PCDHA1: variants seen among roughly 807,000 people sequenced by gnomAD.
The protein encoded by PCDHA1 is protocadherin alpha 1.
In PCDHA1, 42 loss-of-function variants were observed where a neutral mutation model predicts 61.3. The observed-to-expected ratio is 0.69, with a 90% CI of 0.54 to 0.89. The LOEUF is 0.89. PCDHA1 is among the 40% of genes least tolerant of loss of function. The pLI, the probability that PCDHA1 is intolerant of heterozygous loss-of-function variation, is 0.00. For synonymous variants in PCDHA1, 610 were observed against 553.8 expected, an observed-to-expected ratio of 1.10 and a Z score of -1.43; for missense variants, 1,256 against 1,235.3, an observed-to-expected ratio of 1.02 and a Z score of -0.25.
At chr5:140,900,941 C>T (rs1241522274) in intron 1 of PCDHA1, among the ~76,000 whole-genome samples, 1 of 152,140 alleles carries the variant, frequency 6.6e-6, no homozygotes, top group African/African-American at 2.4e-5. Flanking sequence ...TTTTGATTTG[C>T]ATTTCTCTGA....
chr5:140,870,918 G>A, intron 1 of PCDHA1: 1 of 1,613,956 alleles, frequency 6.2e-7, no homozygotes, highest in Non-Finnish European at 8.5e-7. Context: ...ACAACGCGTG[G>A]CTTTCATATG....
chr5:140,912,064 A>G (rs1388725837), intron 1 of PCDHA1, among the ~76,000 whole-genome samples: 10 of 152,216 alleles, frequency 6.6e-5, no homozygotes, highest in Non-Finnish European at 1.0e-4. Flanking sequence ...TTGGAGTCCA[A>G]TGTTCAAGGG....
intron 2 of PCDHA1, 129 bp from the exon 3 acceptor site, chr5:140,982,346 G>A: frequency 1.3e-6 from 2 of 1,492,346 alleles, no homozygotes; most frequent in South Asian, 2.7e-5. Context: ...AATTGCTTCA[G>A]TTCAAGCATG....
chr5:140,886,087 A>G (rs944362157), intron 1 of PCDHA1, among the ~76,000 whole-genome samples: 2 of 152,324 alleles, frequency 1.3e-5, no homozygotes, highest in Admixed American at 6.5e-5. Flanking sequence ...CAACCTGGAT[A>G]TTGACATTGA....
At position 140,877,459 on chromosome 5, in the gene PCDHA1, G is replaced by A. The variant is rs782125799; in HGVS notation, c.2394+88775G>A. ...CGGTGAGCCCGCGCTGACGTCCACGGCCACGGTGCTGGTGTCGCTGGTGGA... is the reference window on the plus strand; with the variant it reads ...CGGTGAGCCCGCGCTGACGTCCACGACCACGGTGCTGGTGTCGCTGGTGGA... On this transcript the variant is annotated intron_variant, in intron 1 of 3. Coordinates refer to ENST00000504120, the MANE Select transcript of PCDHA1 (RefSeq NM_018900.4). 98 of 1,613,712 alleles carry A rather than the reference G, an allele frequency of 6.1e-5. No individual in the cohort carries two copies. The East Asian group carries it at 2.1e-3, about 35-fold the overall frequency.
intron 1 of PCDHA1, chr5:140,884,652 G>A (rs2060303446): frequency 6.2e-7 from 1 of 1,603,582 alleles, no homozygotes; most frequent in Non-Finnish European, 8.5e-7. Flanking sequence ...GACTCAGAAT[G>A]CTTGAAAGAG....
chr5:140,902,024 C>T (rs1554190174), intron 1 of PCDHA1, among the ~76,000 whole-genome samples: 5 of 152,016 alleles, frequency 3.3e-5, no homozygotes, highest in Non-Finnish European at 1.5e-5. Flanking sequence ...TATAGAAATA[C>T]TACTAATTTT....
intron 1 of PCDHA1, among the ~76,000 whole-genome samples, chr5:140,978,436 G>A (rs190191755): frequency 6.6e-6 from 1 of 152,348 alleles, no homozygotes; most frequent in East Asian, 1.9e-4. Flanking sequence ...AGTTGCTGGT[G>A]TTATGACTGG....
intron 1 of PCDHA1, among the ~76,000 whole-genome samples, chr5:140,952,925 G>T (rs144855694): frequency 8.2e-4 from 125 of 152,200 alleles, no homozygotes; most frequent in African/African-American, 2.8e-3. Flanking sequence ...GGCATGAGCA[G>T]GAGCAGGAGC....
Position 140,946,631 on chromosome 5 carries a change from T to TATATATATATATATATATATATACAC in PCDHA1, c.2395-32317_2395-32316insTATATATATATATATATATATACACA, listed in dbSNP as rs57893927. Among the ~76,000 whole-genome samples, 213 of 131,752 alleles carry TATATATATATATATATATATATACAC rather than the reference T, an allele frequency of 1.6e-3. 5 individuals carry two copies. The highest frequency in any genetic ancestry group is 6.6e-3 in the African/African-American group (188 of 28,632). The allele number at this position is 131,752 out of a possible 152,430, so 86.4% of individuals were successfully genotyped here. A position where few individuals can be genotyped will look rare whatever the true frequency, so the allele number is the denominator to read the frequency against. Reference sequence around the variant, plus strand: ...TGTGAAATATATATATATATATATATACAATGGAATACTCATCAGCCATTA... The same window carrying TATATATATATATATATATATATACAC: ...TGTGAAATATATATATATATATATATATATATATATATATATATATATACACACAATGGAATACTCATCAGCCATTA... On this transcript the variant is annotated intron_variant, in intron 1 of 3. Transcript: ENST00000504120.
At position 140,822,662 on chromosome 5, in the gene PCDHA1, C is replaced by T. The variant is rs2150118346; in HGVS notation, c.2394+33978C>T. 4.4e-6 allele frequency: 7 copies of T among 1,608,370 alleles called. No individual in the cohort carries two copies. In the African/African-American group the frequency reaches 5.4e-5, roughly 12 times the overall value. On this transcript the variant is annotated intron_variant, in intron 1 of 3. Transcript: ENST00000504120. The stretch of plus-strand genomic sequence containing the variant: ...GTAAAGTCCAAATTTATAATTAATT[C>T]TAATACTGGTGAAATAAAAGTTAAC...
At chr5:140,902,709 TC>T (rs1248555909) in intron 1 of PCDHA1, among the ~76,000 whole-genome samples, 11 of 152,060 alleles carry the variant, frequency 7.2e-5, no homozygotes, top group Admixed American at 4.6e-4. Flanking sequence ...TATCTTTCAC[TC>T]CCCTCCCACC....
chr5:141,006,425 G>A (rs1483231288), intron 3 of PCDHA1, among the ~76,000 whole-genome samples: 2 of 152,080 alleles, frequency 1.3e-5, no homozygotes, highest in African/African-American at 4.8e-5. Context: ...GTGTTAGCCA[G>A]GATGGTCTCA....
rs2150130376 is a variant in PCDHA1 at position 140,823,924 on chromosome 5, TAC to T, written c.2394+35243_2394+35244del. On this transcript the variant is annotated intron_variant, in intron 1 of 3. Transcript: ENST00000504120. ...CCTGCTGGTGCTCACGCTGCTGCTG[TAC>T]ACCGCGCTGCGGTGCTCGGCGCAGC... 1.8e-5 allele frequency: 29 copies of T among 1,613,852 alleles called. No homozygotes were observed. The Admixed American group carries it at 4.8e-4, about 27-fold the overall frequency.
intron 1 of PCDHA1, among the ~76,000 whole-genome samples, chr5:140,936,741 C>T (rs1234099505): frequency 3.3e-5 from 5 of 152,138 alleles, no homozygotes; most frequent in African/African-American, 1.2e-4. Flanking sequence ...AGTAACTTTT[C>T]ATTTGTATTG....
At chr5:140,875,039 A>G (rs1443862423) in intron 1 of PCDHA1, among the ~76,000 whole-genome samples, 1 of 152,230 alleles carries the variant, frequency 6.6e-6, no homozygotes, top group East Asian at 1.9e-4. Context: ...TATTTGAAAG[A>G]TTTCTACTTT....
intron 1 of PCDHA1, chr5:140,848,600 C>CTA (rs2040492511): frequency 6.3e-7 from 1 of 1,593,634 alleles, no homozygotes; most frequent in Non-Finnish European, 8.6e-7. Flanking sequence ...ACTACTCCGT[C>CTA]CCGGAGGAAG....
At chr5:140,968,170 C>G in intron 1 of PCDHA1, 1 of 1,614,132 alleles carries the variant, frequency 6.2e-7, no homozygotes, top group Middle Eastern at 1.6e-4. Context: ...ATCCACCAAG[C>G]TTCCTGGAGG....
chr5:140,829,431 A>C, intron 1 of PCDHA1: 3 of 1,614,098 alleles, frequency 1.9e-6, no homozygotes, highest in Non-Finnish European at 2.5e-6. Context: ...GAGGTGGCCG[A>C]CATGAATGAC....
Sources: allele counts gnomAD v4.1 joint callset (sites outside exome capture counted in the v4.1 genomes callset), GRCh38; gene constraint gnomAD v4.1.1; transcripts MANE v1.5; gene names NCBI Gene and HGNC (gene_info 2026-07-23, HGNC 2026-07-21).